The following RAF1 variants were observed in gnomAD, a reference collection of about 807,000 sequenced individuals.
RAF1 encodes the protein RAF proto-oncogene serine/threonine-protein kinase.
In RAF1, 27 loss-of-function variants were observed where a neutral mutation model predicts 81.1. That is an observed-to-expected ratio of 0.33 (90% CI 0.25 to 0.46). The LOEUF (loss-of-function observed/expected upper bound fraction) is 0.46, where lower values mean the gene tolerates loss of function less well. RAF1 is among the 20% of genes least tolerant of loss of function. The probability of loss-of-function intolerance (pLI) is 1.00; values close to 1 mark genes in which losing one functional copy is unlikely to be tolerated. For synonymous variants in RAF1, 298 were observed against 294.0 expected (o/e 1.01, Z -0.14); for missense variants, 598 against 826.0 (o/e 0.72, Z 3.38).
rs537039132 is a variant in RAF1 at position 12,600,535 on chromosome 3, T to C, written c.895-120A>G. ...AGATTATAAAAACCTCTAAAAACCA[T>C]AGAAATCCTAAACATACTCTAATCA... is the stretch of plus-strand genomic sequence containing the variant. On this transcript the variant is annotated intron_variant, in intron 8 of 17. Coordinates refer to ENST00000442415, the MANE Select transcript of RAF1 (RefSeq NM_001354689.3). 3.9e-5 allele frequency: 44 copies of C among 1,126,372 alleles called. 1 individual carries two copies. Among genetic ancestry groups the C allele is most frequent in the Admixed American group, 1.4e-4 (7 of 49,586 alleles). The allele number at this position is 1,126,372 out of a possible 1,614,324, so 69.8% of individuals were successfully genotyped here.
chr3:12,600,359 T>C (rs370420776), intron 9 of RAF1, 29 bp downstream of exon 8: 18 of 1,614,034 alleles, frequency 1.1e-5, no homozygotes, highest in Non-Finnish European at 1.0e-5. Context: ...AAGCCCATTA[T>C]TGTTGGCTAA....
intron 1 of RAF1, among the ~76,000 whole-genome samples, chr3:12,626,004 G>A (rs9874216): frequency 6.6e-6 from 1 of 151,510 alleles, no homozygotes; most frequent in Admixed American, 6.6e-5. Flanking sequence ...AGTGGCTCAC[G>A]CCTGTAATCC....
intron 1 of RAF1, among the ~76,000 whole-genome samples, chr3:12,634,145 CTT>C (rs2059948214): frequency 3.7e-5 from 3 of 80,546 alleles, no homozygotes; most frequent in African/African-American, 6.4e-5. Context: ...TCCATGATTC[CTT>C]TCTCTCTTTT....
chr3:12,660,822 A>C lies in RAF1; in HGVS notation c.-27+2991T>G, dbSNP rs143691701. Among the ~76,000 whole-genome samples the C allele has an allele frequency of 2.2e-3, 338 of 152,234 alleles. 2 individuals carry two copies. The highest frequency in any genetic ancestry group is 7.3e-3 in the African/African-American group (304 of 41,562). ...AAATCCCGTCTCTACTAAAAACATA[A>C]AAGTTGGCTAGGCGTGGTGGCAGGC... On this transcript the variant is annotated intron_variant, in intron 1 of 17. Coordinates refer to ENST00000442415, the MANE Select transcript of RAF1 (RefSeq NM_001354689.3).
intron 1 of RAF1, among the ~76,000 whole-genome samples, chr3:12,627,153 T>C (rs1559459406): frequency 6.6e-6 from 1 of 152,208 alleles, no homozygotes; most frequent in African/African-American, 2.4e-5. Context: ...TTGTATTCTA[T>C]AGGCAAACAT....
At position 12,600,375 on chromosome 3, in the gene RAF1, TA is replaced by T; in HGVS notation, c.922+12del. 6.2e-7 allele frequency: 1 copy of T among 1,614,104 alleles called. No homozygotes were observed. Among genetic ancestry groups the T allele is most frequent in the Non-Finnish European group, 8.5e-7 (1 of 1,180,006 alleles). On this transcript the variant is annotated intron_variant, in intron 9 of 17. Transcript: ENST00000442415. ...AGCCCATTATTGTTGGCTAAATGACTATGGAAAAGTACCTGATTCGCTGTGA... is the reference window on the plus strand; with the variant it reads ...AGCCCATTATTGTTGGCTAAATGACTTGGAAAAGTACCTGATTCGCTGTGA...
At chr3:12,621,075 T>C (rs530387862) in intron 1 of RAF1, among the ~76,000 whole-genome samples, 10 of 152,296 alleles carry the variant, frequency 6.6e-5, no homozygotes, top group Admixed American at 2.0e-4. Flanking sequence ...TGTTTTATTA[T>C]TAACAGTAGC....
chr3:12,653,738 C>CAA (rs796348917), intron 1 of RAF1, among the ~76,000 whole-genome samples: 2 of 141,624 alleles, frequency 1.4e-5, no homozygotes, highest in African/African-American at 2.6e-5. Flanking sequence ...GACTATGTCT[C>CAA]AAAAAAAAAA....
chr3:12,641,102 C>G (rs1265081109), intron 1 of RAF1, among the ~76,000 whole-genome samples: 2 of 151,680 alleles, frequency 1.3e-5, no homozygotes, highest in African/African-American at 4.8e-5. Flanking sequence ...TCTGAGCAAA[C>G]TATTGCAAGG....
At position 12,642,126 on chromosome 3, in the gene RAF1, C is replaced by T. The variant is rs377554792; in HGVS notation, c.-27+21687G>A. On this transcript the variant is annotated intron_variant, in intron 1 of 17. Transcript: ENST00000442415. ...TCGTGCCATTGCACTCCAGCCTGGG[C>T]AACAAGAGCAAAACTCTGTCTCAAA... 7.9e-5 allele frequency among the ~76,000 whole-genome samples: 12 copies of T among 151,744 alleles called. 1 individual carries two copies. The East Asian group carries it at 1.9e-3, about 25-fold the overall frequency.
chr3:12,595,552 A>G (rs2058659369), intron 11 of RAF1, among the ~76,000 whole-genome samples: 1 of 152,014 alleles, frequency 6.6e-6, no homozygotes, highest in African/African-American at 2.4e-5. Context: ...ACACCCTACC[A>G]CTGGACCTCA....
intron 2 of RAF1, among the ~76,000 whole-genome samples, chr3:12,618,070 T>C (rs950392666): frequency 3.3e-5 from 5 of 152,138 alleles, no homozygotes; most frequent in Admixed American, 3.3e-4. Flanking sequence ...AGACTGGTCC[T>C]GGGCCTATGA....
At chr3:12,636,473 A>C in intron 1 of RAF1, among the ~76,000 whole-genome samples, 1 of 149,870 alleles carries the variant, frequency 6.7e-6, no homozygotes, top group Non-Finnish European at 1.5e-5. Context: ...GATTACATTA[A>C]AATGCAGTAA....
intron 1 of RAF1, among the ~76,000 whole-genome samples, chr3:12,660,035 C>T (rs184201052): frequency 6.6e-5 from 10 of 151,972 alleles, no homozygotes; most frequent in Non-Finnish European, 1.3e-4. Flanking sequence ...TTTTTTATTT[C>T]GTAAATAATC....
rs74280687 is a variant in RAF1, at chr3:12,629,052, A to G, written c.-26-10305T>C. Among the ~76,000 whole-genome samples, 7 of 152,292 alleles carry G rather than the reference A, an allele frequency of 4.6e-5. No individual in the cohort carries two copies. In the East Asian group the frequency reaches 1.2e-3, roughly 25 times the overall value. ...AGCTACCACACCCAGCCAGTTCACT[A>G]ATTTTTAAATATCATGACAGTTGTA... is the stretch of plus-strand genomic sequence containing the variant. On this transcript the variant is annotated intron_variant, in intron 1 of 17. Transcript: ENST00000442415.
intron 11 of RAF1, among the ~76,000 whole-genome samples, chr3:12,597,011 G>A (rs2058708238): frequency 6.6e-6 from 1 of 151,684 alleles, no homozygotes; most frequent in South Asian, 2.1e-4. Context: ...CCATTCTCCT[G>A]CCTCAGCCTC....
chr3:12,609,194 C>A, intron 4 of RAF1, 39 bp downstream of exon 4: 1 of 1,448,148 alleles, frequency 6.9e-7, no homozygotes, highest in Non-Finnish European at 9.7e-7. Flanking sequence ...CCTGGCAAAG[C>A]CCTCAACATG....
intron 1 of RAF1, among the ~76,000 whole-genome samples, chr3:12,638,461 A>T (rs1197057501): frequency 6.6e-6 from 1 of 152,238 alleles, no homozygotes; most frequent in African/African-American, 2.4e-5. Context: ...CAGTCATCTA[A>T]CAGTTCATCA....
At chr3:12,657,378 T>C (rs1384628435) in intron 1 of RAF1, among the ~76,000 whole-genome samples, 1 of 152,226 alleles carries the variant, frequency 6.6e-6, no homozygotes, top group Non-Finnish European at 1.5e-5. Context: ...AAGGAGAACG[T>C]AGAATAACTA....
Sources: allele counts gnomAD v4.1 joint callset (sites outside exome capture counted in the v4.1 genomes callset), GRCh38; gene constraint gnomAD v4.1.1; transcripts MANE v1.5; gene names NCBI Gene and HGNC (gene_info 2026-07-23, HGNC 2026-07-21).